The following CDRT4 variants were observed in gnomAD, a reference collection of about 807,000 sequenced individuals.
CDRT4 encodes the protein CMT1A duplicated region transcript 4, also known as CMT1A duplicated region transcript 4 protein.
For missense variants in CDRT4, 167 were observed against 193.1 expected (o/e 0.87, Z 0.80); for synonymous variants, 64 against 69.6 (o/e 0.92, Z 0.40).
intron 2 of CDRT4, among the ~76,000 whole-genome samples, chr17:15,440,927 T>C (rs1324061160): frequency 6.6e-6 from 1 of 152,190 alleles, no homozygotes; most frequent in Non-Finnish European, 1.5e-5. Context: ...GAACTGCTGA[T>C]TTAGCAACCG....
chr17:15,449,015 A>G (rs1313891949), intron 2 of CDRT4, among the ~76,000 whole-genome samples: 2 of 152,168 alleles, frequency 1.3e-5, no homozygotes, highest in Admixed American at 1.3e-4. Flanking sequence ...TATCATCCCC[A>G]ATAACGATGC....
In CDRT4 at chr17:15,464,078, G is replaced by A. The variant is rs577099192; in HGVS notation, c.-130+3382C>T. ...AGTATGGCATGGAGGGGCAGACCTC[G>A]AATGTTGGCATTAGGCAGTGCTAGG... On this transcript the variant is annotated intron_variant, in intron 1 of 3. Coordinates refer to ENST00000619038, the MANE Select transcript of CDRT4 (RefSeq NM_001204477.2). This position sits in a 1 kb window ranked among gnomAD's most constrained non-coding sequence, Gnocchi z 4.5. 1.4e-3 allele frequency among the ~76,000 whole-genome samples: 207 copies of A among 152,302 alleles called. 1 individual carries two copies. Among genetic ancestry groups the A allele is most frequent in the South Asian group, 6.2e-3 (30 of 4,822 alleles).
Position 15,439,287 on chromosome 17 carries a change from C to T in CDRT4, c.31+921G>A, listed in dbSNP as rs148278692. 938 of 419,000 alleles carry T rather than the reference C, an allele frequency of 2.2e-3. 6 individuals carry two copies. The highest frequency in any genetic ancestry group is 0.014 in the African/African-American group (696 of 48,258). 26.0% of individuals were successfully genotyped at this position (419,000 alleles called of 1,614,324 possible). A position where few individuals can be genotyped will look rare whatever the true frequency, so the allele number is the denominator to read the frequency against. On this transcript the variant is annotated intron_variant, in intron 3 of 3. Transcript: ENST00000619038. Reference sequence around the variant, plus strand: ...TTGAATGCAGTTAAAAAAAAAAATGCCGTAAATGGGGATAATCAAGTGAAG... The same window carrying T: ...TTGAATGCAGTTAAAAAAAAAAATGTCGTAAATGGGGATAATCAAGTGAAG...
intron 2 of CDRT4, among the ~76,000 whole-genome samples, chr17:15,452,079 T>G (rs1406063593): frequency 6.6e-6 from 1 of 152,206 alleles, no homozygotes; most frequent in Admixed American, 6.5e-5. Flanking sequence ...AAACACAGAC[T>G]GGCTCACTTG....
intron 3 of CDRT4, among the ~76,000 whole-genome samples, chr17:15,438,995 G>C (rs1290951174): frequency 6.6e-6 from 1 of 152,118 alleles, no homozygotes. Flanking sequence ...GCCGAGGGGG[G>C]TGGGTGTTGC....
chr17:15,459,735 C>T (rs1189392338), intron 1 of CDRT4, among the ~76,000 whole-genome samples: 2 of 152,122 alleles, frequency 1.3e-5, no homozygotes, highest in African/African-American at 4.8e-5. Context: ...CATGAGCCAC[C>T]GTGCCCAGCC....
chr17:15,456,600 C>G (rs1277662027), intron 1 of CDRT4, among the ~76,000 whole-genome samples: 1 of 137,048 alleles, frequency 7.3e-6, no homozygotes, highest in Non-Finnish European at 1.5e-5. Context: ...ACACACACGG[C>G]TCAGGAGTAG....
At chr17:15,444,113 T>C in intron 2 of CDRT4, 1 of 1,267,022 alleles carries the variant, frequency 7.9e-7, no homozygotes. Context: ...CCACAACAGT[T>C]AAAAACAAGG....
intron 1 of CDRT4, 59 bp downstream of exon 1, chr17:15,467,401 C>T (rs1404294918): frequency 6.6e-6 from 1 of 152,214 alleles, no homozygotes; most frequent in Non-Finnish European, 1.5e-5. Context: ...TGAGCCTTTT[C>T]ACTTTCACCC....
intron 1 of CDRT4, among the ~76,000 whole-genome samples, chr17:15,459,069 A>G (rs962428927): frequency 1.3e-5 from 2 of 152,204 alleles, no homozygotes; most frequent in African/African-American, 4.8e-5. Flanking sequence ...AAATGGCGTG[A>G]GGGCTCCTAT....
intron 2 of CDRT4, among the ~76,000 whole-genome samples, chr17:15,440,607 T>TG (rs1269208482): frequency 6.6e-6 from 1 of 150,446 alleles, no homozygotes; most frequent in Non-Finnish European, 1.5e-5. Flanking sequence ...AGAGGGGAAG[T>TG]GAAAAAAAAA....
At chr17:15,460,884 T>G in intron 1 of CDRT4, among the ~76,000 whole-genome samples, 2 of 132,222 alleles carry the variant, frequency 1.5e-5, no homozygotes, top group South Asian at 2.6e-4. Context: ...CTCCCCCGCC[T>G]TCCCCACCGC....
intron 1 of CDRT4, among the ~76,000 whole-genome samples, chr17:15,462,292 G>C (rs572023863): frequency 6.6e-6 from 1 of 152,106 alleles, no homozygotes; most frequent in African/African-American, 2.4e-5. Flanking sequence ...GCCAGCCGTG[G>C]TGGCGGGCAC....
rs59035063 is a variant in CDRT4 at position 15,450,574 on chromosome 17, CTTTTTT to C, written c.-48+2424_-48+2429del. Among the ~76,000 whole-genome samples, 1 of 146,114 alleles carries C rather than the reference CTTTTTT, an allele frequency of 6.8e-6. No individual in the cohort carries two copies. The highest frequency in any genetic ancestry group is 1.5e-5 in the Non-Finnish European group (1 of 65,986). ...TCCATTGAGGATTTCTAGTTCCCTT[CTTTTTT>C]TTTTTTTATTTCCACACATCCCCAA... On this transcript the variant is annotated intron_variant, in intron 2 of 3. Coordinates refer to ENST00000619038, the MANE Select transcript of CDRT4 (RefSeq NM_001204477.2). This position sits in a 1 kb window ranked among gnomAD's most constrained non-coding sequence, Gnocchi z 4.2.
chr17:15,438,137 T>A lies in CDRT4; in HGVS notation c.95A>T (p.Tyr32Phe), dbSNP rs199741582. ...CACTGTCTGAGAGGTATAGGTGACATAGGCCGGCCAGGGGTCATGTTTTTC... is the reference window on the plus strand; with the variant it reads ...CACTGTCTGAGAGGTATAGGTGACAAAGGCCGGCCAGGGGTCATGTTTTTC... ...LLEKHDPWPAYVTYTSQTVKR... is the reference protein window; with the variant it reads ...LLEKHDPWPAFVTYTSQTVKR... Residue 32 changes from tyrosine to phenylalanine, a missense_variant, in exon 4 of 4, where the codon TAT (tyrosine) becomes TTT (phenylalanine). Physicochemically the swap from Tyr to Phe is conservative, Grantham distance 22. Coordinates refer to ENST00000619038, the MANE Select transcript of CDRT4 (RefSeq NM_001204477.2). The A allele has an allele frequency of 1.2e-6, 2 of 1,614,176 alleles. No individual in the cohort carries two copies. The highest frequency in any genetic ancestry group is 3.3e-5 in the Admixed American group (2 of 60,018).
chr17:15,461,674 A>G (rs1322031152), intron 1 of CDRT4, among the ~76,000 whole-genome samples: 1 of 152,130 alleles, frequency 6.6e-6, no homozygotes, highest in Non-Finnish European at 1.5e-5. Flanking sequence ...CATTTTGAGA[A>G]CCACCAGATT....
Position 15,448,254 on chromosome 17 carries a change from T to C in CDRT4, c.-48+4750A>G, listed in dbSNP as rs61408062. On this transcript the variant is annotated intron_variant, in intron 2 of 3. Transcript: ENST00000619038. ...AGATTTTACCTAGAAGAAGCCCCAG[T>C]CTCCACTTCTAAGGAACTGCACATC... 8.1e-3 allele frequency among the ~76,000 whole-genome samples: 1,234 copies of C among 152,226 alleles called. 12 individuals are homozygous for C. The highest frequency in any genetic ancestry group is 0.026 in the African/African-American group (1,098 of 41,522).
At chr17:15,440,540 C>T (rs1290920176) in intron 2 of CDRT4, among the ~76,000 whole-genome samples, 1 of 152,120 alleles carries the variant, frequency 6.6e-6, no homozygotes, top group Admixed American at 6.6e-5. Flanking sequence ...TTTCCAGTCT[C>T]CTAACTTTAA....
chr17:15,465,061 AAC>A (rs368404525), intron 1 of CDRT4, among the ~76,000 whole-genome samples: 10 of 149,620 alleles, frequency 6.7e-5, no homozygotes, highest in African/African-American at 2.2e-4. Context: ...GACACACACC[AAC>A]ACAGACACAC....
Sources: allele counts gnomAD v4.1 joint callset (sites outside exome capture counted in the v4.1 genomes callset), GRCh38; gene constraint gnomAD v4.1.1; non-coding constraint Gnocchi (gnomAD v3.1); transcripts MANE v1.5; gene names NCBI Gene and HGNC (gene_info 2026-07-23, HGNC 2026-07-21).